The following CD2AP variants were observed in gnomAD, a reference collection of about 807,000 sequenced individuals.
CD2AP encodes the protein CD2-associated protein.
In CD2AP, 46 loss-of-function variants were observed where a neutral mutation model predicts 85.1. That is an observed-to-expected ratio of 0.54 (90% CI 0.43 to 0.69). The LOEUF (loss-of-function observed/expected upper bound fraction) is 0.69. Ranked by LOEUF, CD2AP falls within the 30% of genes least tolerant of loss-of-function variation. The pLI, the probability that CD2AP is intolerant of heterozygous loss-of-function variation, is 0.00. For synonymous variants in CD2AP, 255 were observed against 252.9 expected (o/e 1.01, Z -0.08); for missense variants, 769 against 729.5 (o/e 1.05, Z -0.62).
intron 5 of CD2AP, among the ~76,000 whole-genome samples, chr6:47,557,196 T>A (rs747640618): frequency 1.3e-4 from 19 of 151,424 alleles, no homozygotes; most frequent in Admixed American, 5.3e-4. Flanking sequence ...TGTAAATATG[T>A]TTAAGTTCTT....
At chr6:47,541,209 C>T (rs9381571) in intron 3 of CD2AP, among the ~76,000 whole-genome samples, 91,915 of 152,024 alleles carry the variant, frequency 0.6, 28,589 homozygotes, top group Middle Eastern at 0.74. Flanking sequence ...CTGCAAGCTC[C>T]GCTTCCCAGG....
chr6:47,607,950 C>G lies in CD2AP; in HGVS notation c.1554C>G (p.Ile518Met). 1 of 1,612,460 alleles carries G rather than the reference C, an allele frequency of 6.2e-7. No homozygotes were observed. Among genetic ancestry groups the G allele is most frequent in the African/African-American group, 1.3e-5 (1 of 74,948 alleles). Residue 518 changes from isoleucine to methionine, a missense_variant, in exon 15 of 18, where the codon ATC (isoleucine) becomes ATG (methionine). Transcript: ENST00000359314. ...GHSPTHSPEKILKLPKEEDSA... is the reference protein window; with the variant it reads ...GHSPTHSPEKMLKLPKEEDSA... ...AGCCAACTCACAGCCCCGAAAAAATCTTGAAGTTACCAAAAGAAGAAGACA... is the reference window on the plus strand; with the variant it reads ...AGCCAACTCACAGCCCCGAAAAAATGTTGAAGTTACCAAAAGAAGAAGACA...
At chr6:47,588,323 G>T (rs968962567) in intron 11 of CD2AP, among the ~76,000 whole-genome samples, 1 of 152,138 alleles carries the variant, frequency 6.6e-6, no homozygotes, top group Non-Finnish European at 1.5e-5. Context: ...GAAAAGGTGT[G>T]TGTATAGATA....
intron 3 of CD2AP, among the ~76,000 whole-genome samples, chr6:47,535,664 G>A (rs1408340741): frequency 6.6e-6 from 1 of 152,120 alleles, no homozygotes; most frequent in Non-Finnish European, 1.5e-5. Context: ...TAGCATTATT[G>A]CCTGAAGGTG....
chr6:47,519,622 T>C (rs1481102869), intron 2 of CD2AP, among the ~76,000 whole-genome samples: 1 of 152,210 alleles, frequency 6.6e-6, no homozygotes, highest in Non-Finnish European at 1.5e-5. Flanking sequence ...GCAATTAGAT[T>C]TTGTGTGTCT....
rs1386099098 is a variant in CD2AP, at chr6:47,587,861, G to A, written c.1108+5796G>A. Among the ~76,000 whole-genome samples, 3 of 152,108 alleles carry A rather than the reference G, an allele frequency of 2.0e-5. No individual in the cohort carries two copies. The East Asian group carries it at 5.8e-4, about 29-fold the overall frequency. On this transcript the variant is annotated intron_variant, in intron 11 of 17. Transcript: ENST00000359314. ...GAAAGAGCATAAAATGGTGCTGAAG[G>A]CCAGTCTGGTTCTATACTTTCACTG... is the stretch of plus-strand genomic sequence containing the variant.
chr6:47,598,264 G>A (rs907763293), intron 12 of CD2AP, among the ~76,000 whole-genome samples: 1 of 150,956 alleles, frequency 6.6e-6, no homozygotes, highest in Non-Finnish European at 1.5e-5. Context: ...ATGTTAGCAT[G>A]GATGCAGTGA....
intron 12 of CD2AP, among the ~76,000 whole-genome samples, chr6:47,596,532 G>C (rs1408645853): frequency 6.6e-6 from 1 of 152,026 alleles, no homozygotes; most frequent in Non-Finnish European, 1.5e-5. Context: ...GTCTTTCTGT[G>C]CCTGGCTTAT....
At chr6:47,589,893 T>A (rs896870583) in intron 11 of CD2AP, among the ~76,000 whole-genome samples, 1 of 152,068 alleles carries the variant, frequency 6.6e-6, no homozygotes, top group African/African-American at 2.4e-5. Context: ...TAGACCTAAC[T>A]CTGAGGAACA....
intron 3 of CD2AP, 41 bp downstream of exon 3, chr6:47,533,796 A>ATCCTTCTATTTT: frequency 6.3e-7 from 1 of 1,594,914 alleles, no homozygotes; most frequent in Non-Finnish European, 8.6e-7. Flanking sequence ...ACATCAAAAT[A>ATCCTTCTATTTT]GAAGGATATT....
At chr6:47,610,891 T>G (rs764067949) in intron 16 of CD2AP, among the ~76,000 whole-genome samples, 4 of 149,436 alleles carry the variant, frequency 2.7e-5, no homozygotes, top group African/African-American at 4.9e-5. Context: ...GATTTTCATA[T>G]GCATATTGCC....
chr6:47,517,343 T>G (rs1766478062), intron 2 of CD2AP, among the ~76,000 whole-genome samples: 2 of 151,502 alleles, frequency 1.3e-5, no homozygotes, highest in South Asian at 4.2e-4. Flanking sequence ...AGTGCAGTGG[T>G]GCGGTGCGAT....
chr6:47,609,436 G>GA, intron 16 of CD2AP, 132 bp downstream of exon 16: 1 of 698,466 alleles, frequency 1.4e-6, no homozygotes, highest in Non-Finnish European at 2.5e-6. Flanking sequence ...CAGCACTTTG[G>GA]GAGACCAAGT....
intron 3 of CD2AP, among the ~76,000 whole-genome samples, chr6:47,539,613 G>A (rs920773727): frequency 6.6e-6 from 1 of 152,204 alleles, no homozygotes; most frequent in Non-Finnish European, 1.5e-5. Context: ...TTTTAGCTAT[G>A]TAGTCTTTGA....
In CD2AP at chr6:47,624,187, T is replaced by C; in HGVS notation, c.1880T>C (p.Met627Thr). The C allele has an allele frequency of 6.2e-7, 1 of 1,609,544 alleles. No individual in the cohort carries two copies. Among genetic ancestry groups the C allele is most frequent in the South Asian group, 1.1e-5 (1 of 90,968 alleles). Residue 627 changes from methionine to threonine, a missense_variant and splice_region_variant, in exon 18 of 18, where the codon ATG becomes ACG. Met to Thr is a moderately conservative substitution (Grantham distance 81). Transcript: ENST00000359314. ...CTCAATTTATGTTTTTTGTTTTAGA[T>C]GGAAATAGAGAAGCTGAAAAAAGCT... ...EEKTMRSNLEMEIEKLKKAVL... is the reference protein window; with the variant it reads ...EEKTMRSNLETEIEKLKKAVL...
At chr6:47,566,323 T>TATATATATATATATACACACACACAC in intron 5 of CD2AP, among the ~76,000 whole-genome samples, 1 of 108,388 alleles carries the variant, frequency 9.2e-6, no homozygotes, top group Non-Finnish European at 2.1e-5. Flanking sequence ...TATATATATA[T>TATATATATATATATACACACACACAC]ACACATACAC....
intron 2 of CD2AP, among the ~76,000 whole-genome samples, chr6:47,505,432 C>G (rs1273035654): frequency 6.6e-6 from 1 of 150,820 alleles, no homozygotes; most frequent in Admixed American, 6.6e-5. Context: ...CTACCTCTTT[C>G]TACACAGACA....
Position 47,503,442 on chromosome 6 carries a change from T to G in CD2AP, c.165+2T>G. The G allele has an allele frequency of 6.2e-7, 1 of 1,612,798 alleles. No homozygotes were observed. The highest frequency in any genetic ancestry group is 1.1e-5 in the South Asian group (1 of 91,048). The stretch of plus-strand genomic sequence containing the variant: ...ATGTTCCCTGACAATTTCGTTAAGG[T>G]AAGTATTTTCAGTTAAATTTCTAGC... On this transcript the variant is annotated splice_donor_variant, in intron 2 of 17. Transcript: ENST00000359314. LOFTEE classifies it high-confidence loss of function.
intron 6 of CD2AP, among the ~76,000 whole-genome samples, chr6:47,575,427 G>A (rs1345085222): frequency 6.6e-6 from 1 of 152,134 alleles, no homozygotes; most frequent in African/African-American, 2.4e-5. Flanking sequence ...CTCAAGAGTT[G>A]TTATTAGTGA....
Sources: allele counts gnomAD v4.1 joint callset (sites outside exome capture counted in the v4.1 genomes callset), GRCh38; gene constraint gnomAD v4.1.1; transcripts MANE v1.5; gene names NCBI Gene and HGNC (gene_info 2026-07-23, HGNC 2026-07-21).